EVC2: variants seen among roughly 807,000 people sequenced by gnomAD.
EVC2 encodes limbin.
EVC2 carries 148 observed loss-of-function variants against 149.3 expected under a neutral mutation model. The observed-to-expected ratio is 0.99, with a 90% CI of 0.87 to 1.14. The LOEUF (loss-of-function observed/expected upper bound fraction) is 1.14. Ranked by LOEUF, EVC2 falls within the 50% of genes most tolerant of loss-of-function variation. The probability of loss-of-function intolerance (pLI) is 0.00; values close to 1 mark genes in which losing one functional copy is unlikely to be tolerated. For missense variants in EVC2, 1,854 were observed against 1,627.3 expected, an observed-to-expected ratio of 1.14 and a Z score of -2.40; for synonymous variants, 776 against 649.9, an observed-to-expected ratio of 1.19 and a Z score of -2.95.
chr4:5,705,734 C>T (rs1020198389), intron 1 of EVC2, among the ~76,000 whole-genome samples: 5 of 152,004 alleles, frequency 3.3e-5, no homozygotes, highest in African/African-American at 7.3e-5. Context: ...AAAACCCCAT[C>T]GCACAATTGT....
At chr4:5,585,470 G>A (rs1043539942) in intron 16 of EVC2, among the ~76,000 whole-genome samples, 15 of 152,146 alleles carry the variant, frequency 9.9e-5, no homozygotes, top group Non-Finnish European at 1.8e-4. Flanking sequence ...TTCAAACCAG[G>A]TGCCCAGGGT....
chr4:5,548,641 T>A (rs1056919577), intron 21 of EVC2, among the ~76,000 whole-genome samples: 8 of 152,170 alleles, frequency 5.3e-5, no homozygotes, highest in Admixed American at 6.5e-5. Context: ...GGTTGATTAT[T>A]GTTATGTGAA....
At chr4:5,650,207 T>C (rs1227752064) in intron 9 of EVC2, among the ~76,000 whole-genome samples, 1 of 152,126 alleles carries the variant, frequency 6.6e-6, no homozygotes, top group East Asian at 1.9e-4. Flanking sequence ...GGGATTTCCA[T>C]ATTACTGCCC....
At chr4:5,540,414 C>A (rs1232839817), downstream of EVC2, among the ~76,000 whole-genome samples, 1 of 152,188 alleles carries the variant, frequency 6.6e-6, no homozygotes, top group Admixed American at 6.5e-5. Flanking sequence ...TGGCTGCAAC[C>A]TAGACCGACC....
intron 9 of EVC2, among the ~76,000 whole-genome samples, chr4:5,653,702 A>G (rs1278665219): frequency 6.6e-6 from 1 of 152,244 alleles, no homozygotes. Context: ...AATATAAGAC[A>G]TGAGTACTAA....
chr4:5,638,067 C>T (rs1239509841), intron 10 of EVC2, among the ~76,000 whole-genome samples: 1 of 152,078 alleles, frequency 6.6e-6, no homozygotes, highest in African/African-American at 2.4e-5. Context: ...CGAAGCCTCC[C>T]TTATTGAGCA....
chr4:5,678,745 T>A (rs1221693879), intron 7 of EVC2, among the ~76,000 whole-genome samples: 2 of 152,138 alleles, frequency 1.3e-5, no homozygotes, highest in Non-Finnish European at 2.9e-5. Flanking sequence ...TATAAACAGA[T>A]CCAAGTATGG....
chr4:5,695,309 C>A (rs1023245863), intron 2 of EVC2, among the ~76,000 whole-genome samples: 1 of 150,472 alleles, frequency 6.6e-6, no homozygotes, highest in Admixed American at 6.6e-5. Flanking sequence ...GATCATGCCA[C>A]TGCACTCCAG....
rs1721592372 is a variant in EVC2, at chr4:5,545,242, G to A, written c.3420-2030C>T. On this transcript the variant is annotated intron_variant and NMD_transcript_variant, in intron 21 of 22. Transcript: ENST00000475313. ...AACATTTACTGAATATCTACTAGAT[G>A]CCCATAAATAAATGACACACAGAAA... Among the ~76,000 whole-genome samples the A allele has an allele frequency of 2.0e-5, 3 of 152,154 alleles. No individual in the cohort carries two copies. In the South Asian group the frequency reaches 6.2e-4, roughly 32 times the overall value.
At chr4:5,544,905 C>A (rs1203858284) in intron 21 of EVC2, among the ~76,000 whole-genome samples, 4 of 152,188 alleles carry the variant, frequency 2.6e-5, no homozygotes, top group Admixed American at 6.5e-5. Context: ...AGCTTCAGAG[C>A]CTCCTCACTC....
intron 8 of EVC2, among the ~76,000 whole-genome samples, chr4:5,664,412 G>T (rs1719116146): frequency 6.6e-6 from 1 of 152,184 alleles, no homozygotes; most frequent in Admixed American, 6.5e-5. Context: ...TCATACTCTT[G>T]CTTTCCTCTG....
chr4:5,593,798 G>C (rs1161313106), intron 16 of EVC2, among the ~76,000 whole-genome samples: 1 of 152,146 alleles, frequency 6.6e-6, no homozygotes, highest in Non-Finnish European at 1.5e-5. Context: ...CAAGGGGTCA[G>C]GGAGTTCCCT....
At chr4:5,558,003 C>T (rs1721869205), downstream of EVC2, among the ~76,000 whole-genome samples, 1 of 152,038 alleles carries the variant, frequency 6.6e-6, no homozygotes, top group African/African-American at 2.4e-5. Flanking sequence ...CCTATAGAAT[C>T]TATAGGTCTA....
Position 5,665,594 on chromosome 4 carries a change from G to A in EVC2, c.926C>T (p.Ser309Phe), listed in dbSNP as rs747880765. 1.9e-6 allele frequency: 3 copies of A among 1,614,116 alleles called. No homozygotes were observed. Among genetic ancestry groups the A allele is most frequent in the African/African-American group, 1.3e-5 (1 of 74,944 alleles). Residue 309 changes from serine to phenylalanine, a missense_variant, in exon 8 of 22, where the codon TCC becomes TTC. Physicochemically the swap from Ser to Phe is radical, Grantham distance 155. Coordinates refer to ENST00000344408, the MANE Select transcript of EVC2 (RefSeq NM_147127.5). The part of the protein sequence containing the change: ...AAGFFIAFLL[S>F]LVLTWAALFL... ...GAGGGCAGCCCAGGTCAGCACAAGG[G>A]AGAGGAGGAAGGCAATGAAGAACCC...
intron 1 of EVC2, among the ~76,000 whole-genome samples, chr4:5,697,970 C>A (rs1359077280): frequency 6.6e-6 from 1 of 152,068 alleles, no homozygotes; most frequent in Non-Finnish European, 1.5e-5. Context: ...TCAGGATGGT[C>A]TCCATCTCCT....
rs74563068 is a variant in EVC2 at position 5,657,934 on chromosome 4, C to T, written c.1145+5173G>A. Among the ~76,000 whole-genome samples, 2,354 of 152,128 alleles carry T rather than the reference C, an allele frequency of 0.015. 45 individuals are homozygous for T. The highest frequency in any genetic ancestry group is 0.053 in the African/African-American group (2,192 of 41,500). On this transcript the variant is annotated intron_variant, in intron 9 of 21. Coordinates refer to ENST00000344408, the MANE Select transcript of EVC2 (RefSeq NM_147127.5). The surrounding 1 kb of genome is among the most constrained non-coding windows in gnomAD (Gnocchi z 4.7). ...TTTGGGTCCTCAAATGTCCACATCC[C>T]TTCCCACCTCTTGTGCTTGCTGCCC...
intron 21 of EVC2, among the ~76,000 whole-genome samples, chr4:5,550,847 C>A (rs1042512996): frequency 4.6e-5 from 7 of 152,196 alleles, no homozygotes; most frequent in Non-Finnish European, 1.0e-4. Flanking sequence ...CCCTGCATCC[C>A]AGCTGCTCCA....
At chr4:5,646,708 T>G (rs747136445) in intron 9 of EVC2, among the ~76,000 whole-genome samples, 1 of 152,244 alleles carries the variant, frequency 6.6e-6, no homozygotes, top group Non-Finnish European at 1.5e-5. Context: ...TGTTTCGTTA[T>G]GTTTTAGCAT....
At chr4:5,535,714 A>G in the EVC2 span, among the ~76,000 whole-genome samples, 3 of 152,212 alleles carry the variant, frequency 2.0e-5, no homozygotes, top group African/African-American at 7.2e-5. The surrounding 1 kb of genome is among the most constrained non-coding windows in gnomAD (Gnocchi z 4.7). Context: ...GACCTCATCT[A>G]AACCTAATCA....
Sources: allele counts gnomAD v4.1 joint callset (sites outside exome capture counted in the v4.1 genomes callset), GRCh38; gene constraint gnomAD v4.1.1; non-coding constraint Gnocchi (gnomAD v3.1); transcripts MANE v1.5; gene names NCBI Gene and HGNC (gene_info 2026-07-23, HGNC 2026-07-21).